Variants in SORCS1 observed in about 807,000 individuals in gnomAD.
SORCS1 encodes the protein sortilin related VPS10 domain containing receptor 1.
In SORCS1, 60 loss-of-function variants were observed where a neutral mutation model predicts 146.1. That is an observed-to-expected ratio of 0.41 (90% CI 0.33 to 0.51). SORCS1 has a LOEUF of 0.51. Among genes scored for constraint, SORCS1 ranks in the 20% least tolerant of loss-of-function variants. SORCS1 has a pLI of 0.21. For missense variants in SORCS1, 1,352 were observed against 1,487.6 expected, an observed-to-expected ratio of 0.91 and a Z score of 1.50; for synonymous variants, 637 against 584.0, an observed-to-expected ratio of 1.09 and a Z score of -1.31.
chr10:106,668,864 G>A (rs1167023494), intron 16 of SORCS1, among the ~76,000 whole-genome samples: 1 of 152,138 alleles, frequency 6.6e-6, no homozygotes, highest in East Asian at 1.9e-4. Context: ...GGACTGTCCA[G>A]GAGAGGGCCA....
intron 23 of SORCS1, chr10:106,600,453 T>C: frequency 1.0e-6 from 1 of 982,740 alleles, no homozygotes; most frequent in South Asian, 4.7e-5. Flanking sequence ...CATATAAGAA[T>C]AATCTCAATT....
At chr10:107,073,180 G>A (rs1249931611) in intron 1 of SORCS1, among the ~76,000 whole-genome samples, 1 of 152,192 alleles carries the variant, frequency 6.6e-6, no homozygotes, top group Non-Finnish European at 1.5e-5. Flanking sequence ...GATTTGGAGA[G>A]ATGAGATCAG....
intron 2 of SORCS1, among the ~76,000 whole-genome samples, chr10:106,899,094 C>T (rs1392287804): frequency 6.6e-6 from 1 of 152,198 alleles, no homozygotes; most frequent in African/African-American, 2.4e-5. Context: ...ATTCCAAAGT[C>T]CTACCAGTAG....
At chr10:106,904,169 T>C (rs1393319753) in intron 2 of SORCS1, among the ~76,000 whole-genome samples, 1 of 152,244 alleles carries the variant, frequency 6.6e-6, no homozygotes, top group African/African-American at 2.4e-5. Flanking sequence ...ATATCCTCAG[T>C]ATACAGATCT....
chr10:106,791,954 C>T (rs1270455069), intron 3 of SORCS1, among the ~76,000 whole-genome samples: 2 of 152,048 alleles, frequency 1.3e-5, no homozygotes, highest in African/African-American at 4.8e-5. Context: ...TTTATGTTTA[C>T]TCACTTGAAA....
At chr10:106,957,827 C>T (rs1301171725) in intron 1 of SORCS1, among the ~76,000 whole-genome samples, 1 of 152,192 alleles carries the variant, frequency 6.6e-6, no homozygotes, top group Non-Finnish European at 1.5e-5. Flanking sequence ...GGAACCTAAA[C>T]TATTTCATTC....
intron 1 of SORCS1, among the ~76,000 whole-genome samples, chr10:107,138,194 C>T (rs1229701887): frequency 6.6e-6 from 1 of 152,010 alleles, no homozygotes; most frequent in Middle Eastern, 3.2e-3. Context: ...ATGATCTCTC[C>T]ACCCCTTAAA....
At chr10:106,890,350 TAC>T (rs1041405593) in intron 2 of SORCS1, among the ~76,000 whole-genome samples, 1 of 152,178 alleles carries the variant, frequency 6.6e-6, no homozygotes, top group African/African-American at 2.4e-5. Flanking sequence ...ATAAAATGGC[TAC>T]ACTCTTGATT....
intron 1 of SORCS1, among the ~76,000 whole-genome samples, chr10:107,147,906 C>A (rs570073208): frequency 1.2e-3 from 185 of 152,216 alleles, no homozygotes; most frequent in African/African-American, 4.3e-3. Context: ...ATATTTTCTT[C>A]ATGATATTCA....
intron 5 of SORCS1, among the ~76,000 whole-genome samples, chr10:106,745,780 G>A (rs562322789): frequency 6.6e-5 from 10 of 152,130 alleles, no homozygotes; most frequent in East Asian, 5.8e-4. Flanking sequence ...AATAGAGTAC[G>A]GGACAAGAAA....
intron 7 of SORCS1, among the ~76,000 whole-genome samples, chr10:106,707,885 C>T (rs1854647985): frequency 6.6e-6 from 1 of 152,172 alleles, no homozygotes; most frequent in Admixed American, 6.5e-5. Context: ...TCTGCATACT[C>T]AGAATGTCAA....
chr10:106,937,691 C>T lies in SORCS1; in HGVS notation c.626+18822G>A, dbSNP rs571414081. On this transcript the variant is annotated intron_variant, in intron 2 of 25. Transcript: ENST00000263054. The stretch of plus-strand genomic sequence containing the variant: ...GTATGAAAATGGTCTAGGCTGGGCA[C>T]GGTGGCTCATGCCTGTAATCCCAGC... Among the ~76,000 whole-genome samples the T allele has an allele frequency of 7.9e-5, 12 of 152,212 alleles. No homozygotes were observed. The South Asian group carries it at 1.5e-3, about 18-fold the overall frequency.
In SORCS1 at chr10:106,646,133, C is replaced by T. The variant is rs1849412250; in HGVS notation, c.2475+6249G>A. ...TACAAAAATTAGCTGGGTGTGGTAG[C>T]TGGCACCTGTAATCCCAGCTACTCA... On this transcript the variant is annotated intron_variant, in intron 18 of 25. Transcript: ENST00000263054. Among the ~76,000 whole-genome samples the T allele has an allele frequency of 3.3e-5, 5 of 151,832 alleles. No individual in the cohort carries two copies. The South Asian group carries it at 1.0e-3, about 32-fold the overall frequency.
At chr10:106,915,548 C>T (rs1441430125) in intron 2 of SORCS1, among the ~76,000 whole-genome samples, 3 of 152,214 alleles carry the variant, frequency 2.0e-5, no homozygotes, top group Non-Finnish European at 4.4e-5. Flanking sequence ...TCACACCCCA[C>T]TCTCCCAGGC....
chr10:106,842,221 T>C (rs1034369922), intron 2 of SORCS1, among the ~76,000 whole-genome samples: 1 of 152,082 alleles, frequency 6.6e-6, no homozygotes, highest in East Asian at 1.9e-4. Context: ...GTATATGTTA[T>C]TATTTTATTA....
chr10:106,807,676 ACC>A, intron 3 of SORCS1, among the ~76,000 whole-genome samples: 1 of 152,342 alleles, frequency 6.6e-6, no homozygotes, highest in South Asian at 2.1e-4. Flanking sequence ...ATTGCATTCC[ACC>A]AGGTAGTTTA....
chr10:106,754,078 C>T (rs149714154), intron 5 of SORCS1, among the ~76,000 whole-genome samples: 2,236 of 152,292 alleles, frequency 0.015, 28 homozygotes, highest in Non-Finnish European at 0.024. Flanking sequence ...TTGGTAAAAG[C>T]ACCTTAGTCT....
chr10:107,091,049 G>A (rs1012886009), intron 1 of SORCS1, among the ~76,000 whole-genome samples: 6 of 152,176 alleles, frequency 3.9e-5, no homozygotes, highest in African/African-American at 1.4e-4. Context: ...GTGTCTAGAG[G>A]AAAAAGTAAA....
chr10:106,817,424 T>G (rs562883002), intron 3 of SORCS1, among the ~76,000 whole-genome samples: 1 of 152,200 alleles, frequency 6.6e-6, no homozygotes. Context: ...AGGCCCCTCC[T>G]GCTTCCCCAC....
Sources: allele counts gnomAD v4.1 joint callset (sites outside exome capture counted in the v4.1 genomes callset), GRCh38; gene constraint gnomAD v4.1.1; transcripts MANE v1.5; gene names NCBI Gene and HGNC (gene_info 2026-07-23, HGNC 2026-07-21).